AFTPH: variants seen among roughly 807,000 people sequenced by gnomAD.
AFTPH encodes the protein aftiphilin, also known as aftiphilin protein.
AFTPH carries 7 observed loss-of-function variants against 72.5 expected under a neutral mutation model. The ratio of observed to expected loss-of-function variants is 0.10; its 90% CI spans 0.05 to 0.18. The LOEUF (loss-of-function observed/expected upper bound fraction) is 0.18. Among genes scored for constraint, AFTPH ranks in the 10% least tolerant of loss-of-function variants. The pLI is 1.00. For missense variants in AFTPH, 979 were observed against 1,060.5 expected (o/e 0.92, Z 1.07); for synonymous variants, 337 against 370.1 (o/e 0.91, Z 1.03).
intron 1 of AFTPH, among the ~76,000 whole-genome samples, chr2:64,536,218 G>T (rs1162070872): frequency 6.6e-6 from 1 of 152,086 alleles, no homozygotes; most frequent in African/African-American, 2.4e-5. Context: ...GGTAAGGTTT[G>T]AGCATTATGA....
intron 2 of AFTPH, among the ~76,000 whole-genome samples, chr2:64,559,004 A>T (rs1286450134): frequency 1.3e-5 from 2 of 152,100 alleles, no homozygotes; most frequent in Non-Finnish European, 2.9e-5. Flanking sequence ...AAATGTGCAA[A>T]CTCCACACAG....
chr2:64,548,963 C>T (rs1315931118), intron 1 of AFTPH, among the ~76,000 whole-genome samples: 2 of 152,172 alleles, frequency 1.3e-5, no homozygotes, highest in Admixed American at 6.5e-5. Flanking sequence ...TTCCTGGTAA[C>T]TCTGAGTGAC....
At chr2:64,560,315 G>A (rs2103990251) in intron 2 of AFTPH, among the ~76,000 whole-genome samples, 1 of 152,026 alleles carries the variant, frequency 6.6e-6, no homozygotes, top group South Asian at 2.1e-4. Flanking sequence ...ATGAAGCTTT[G>A]CCCCACTGAT....
intron 3 of AFTPH, among the ~76,000 whole-genome samples, chr2:64,568,668 G>T (rs1392033939): frequency 6.6e-6 from 1 of 152,212 alleles, no homozygotes; most frequent in Admixed American, 6.5e-5. Context: ...TGCCCAGGCT[G>T]GAGTGATCTC....
At chr2:64,577,122 G>A (rs547554221) in intron 6 of AFTPH, among the ~76,000 whole-genome samples, 1 of 152,258 alleles carries the variant, frequency 6.6e-6, no homozygotes, top group East Asian at 1.9e-4. Flanking sequence ...TGTATTAGTG[G>A]TACTGCTAGG....
chr2:64,525,039 T>G (rs1669168787), intron 1 of AFTPH, among the ~76,000 whole-genome samples: 1 of 152,230 alleles, frequency 6.6e-6, no homozygotes, highest in African/African-American at 2.4e-5. Flanking sequence ...AAACACTGCC[T>G]CCTTCACCGA....
chr2:64,526,145 T>C (rs985168708), intron 1 of AFTPH, among the ~76,000 whole-genome samples: 1 of 152,232 alleles, frequency 6.6e-6, no homozygotes, highest in African/African-American at 2.4e-5. Flanking sequence ...ACAACAAGGA[T>C]AATATGTCCT....
At chr2:64,553,704 A>T (rs1357138721) in intron 2 of AFTPH, among the ~76,000 whole-genome samples, 43 of 24,188 alleles carry the variant, frequency 1.8e-3, no homozygotes, top group African/African-American at 0.012. Flanking sequence ...ATATATGTTA[A>T]AAAAAAAAAA....
intron 5 of AFTPH, among the ~76,000 whole-genome samples, chr2:64,570,138 G>C (rs1672327028): frequency 6.6e-6 from 1 of 152,234 alleles, no homozygotes; most frequent in South Asian, 2.1e-4. Context: ...TGGGTTCTTA[G>C]TTTTTCCATT....
rs552824093 is a variant in AFTPH at position 64,567,481 on chromosome 2, G to C, written c.1936-81G>C. On this transcript the variant is annotated intron_variant, in intron 2 of 8. Coordinates refer to ENST00000238856, the Ensembl canonical transcript of AFTPH. ...TCTCACAGTAGTGGACAGGGTGTGC[G>C]TGTGTTTGCATTTTAATGCTATAAC... is the stretch of plus-strand genomic sequence containing the variant. The C allele has an allele frequency of 3.0e-5, 43 of 1,436,208 alleles. No homozygotes were observed. In the Admixed American group the frequency reaches 9.1e-4, roughly 30 times the overall value. The allele number at this position is 1,436,208 out of a possible 1,614,324, so 89.0% of individuals were successfully genotyped here.
At chr2:64,560,188 A>G (rs1671634850) in intron 2 of AFTPH, among the ~76,000 whole-genome samples, 1 of 152,180 alleles carries the variant, frequency 6.6e-6, no homozygotes, top group Non-Finnish European at 1.5e-5. Context: ...TAAATGGCTT[A>G]CTTGCACCAG....
intron 7 of AFTPH, among the ~76,000 whole-genome samples, chr2:64,581,907 A>G (rs1309954172): frequency 6.6e-6 from 1 of 152,244 alleles, no homozygotes; most frequent in Non-Finnish European, 1.5e-5. Flanking sequence ...AATAATTGCT[A>G]TGAGATACTA....
intron 3 of AFTPH, among the ~76,000 whole-genome samples, chr2:64,568,371 C>G (rs1165716387): frequency 6.6e-6 from 1 of 152,088 alleles, no homozygotes; most frequent in Non-Finnish European, 1.5e-5. Context: ...TTTCCCTACC[C>G]TTTAAGAGCT....
At position 64,573,070 on chromosome 2, in the gene AFTPH, TAA is replaced by T; in HGVS notation, c.2394+6_2394+7del. 6.2e-7 allele frequency: 1 copy of T among 1,612,016 alleles called. No homozygotes were observed. The highest frequency in any genetic ancestry group is 2.2e-5 in the East Asian group (1 of 44,870). ...ACATGTACATCTGATCAGTTCCAGG[TAA>T]AAATATCTATATGTGTATAAATATG... On this transcript the variant is annotated splice_donor_region_variant and intron_variant, in intron 6 of 8. Coordinates refer to ENST00000238856, the Ensembl canonical transcript of AFTPH.
chr2:64,582,678 AG>A (rs960062384), intron 7 of AFTPH, among the ~76,000 whole-genome samples: 3 of 152,262 alleles, frequency 2.0e-5, no homozygotes, highest in African/African-American at 7.2e-5. Flanking sequence ...TGTATTCCCA[AG>A]AATTATTAAG....
At chr2:64,581,133 C>A in intron 7 of AFTPH, 57 bp from the exon 8 acceptor site, 2 of 1,300,382 alleles carry the variant, frequency 1.5e-6, no homozygotes, top group Non-Finnish European at 2.2e-6. Flanking sequence ...CATAACCCCT[C>A]CTCCCTTGGC....
At chr2:64,558,068 T>A (rs1671496295) in intron 2 of AFTPH, among the ~76,000 whole-genome samples, 1 of 152,210 alleles carries the variant, frequency 6.6e-6, no homozygotes, top group Admixed American at 6.5e-5. Context: ...TGCTGCAGCA[T>A]AAGATATCCT....
chr2:64,562,524 C>T (rs1446955485), intron 2 of AFTPH, among the ~76,000 whole-genome samples: 1 of 152,154 alleles, frequency 6.6e-6, no homozygotes, highest in African/African-American at 2.4e-5. Flanking sequence ...TGAAACTATA[C>T]TTCCTGGGTA....
chr2:64,591,395 GA>G (rs1200405705), intron 8 of AFTPH, among the ~76,000 whole-genome samples: 1 of 152,226 alleles, frequency 6.6e-6, no homozygotes, highest in East Asian at 1.9e-4. Flanking sequence ...TTCTCTCCTG[GA>G]ATTCCCCACT....
Sources: gnomAD v4.1 joint callset for allele counts (sites outside exome capture counted in the v4.1 genomes callset) on GRCh38, gnomAD v4.1.1 for gene constraint, MANE v1.5 for transcripts, NCBI Gene and HGNC (gene_info 2026-07-23, HGNC 2026-07-21) for gene names.